Variants in TRPS1 observed in about 807,000 individuals in gnomAD.
TRPS1 encodes the protein zinc finger transcription factor Trps1.
TRPS1 carries 6 observed loss-of-function variants against 101.2 expected under a neutral mutation model. That is an observed-to-expected ratio of 0.06 (90% CI 0.03 to 0.12). TRPS1 has a LOEUF of 0.12. Ranked by LOEUF, TRPS1 falls within the 10% of genes least tolerant of loss-of-function variation. The probability of loss-of-function intolerance (pLI) is 1.00; values close to 1 mark genes in which losing one functional copy is unlikely to be tolerated. For missense variants in TRPS1, 1,363 were observed against 1,567.0 expected (o/e 0.87, Z 2.20); for synonymous variants, 578 against 589.8 (o/e 0.98, Z 0.29).
intron 5 of TRPS1, among the ~76,000 whole-genome samples, chr8:115,533,436 G>GTTTTTTTTTTTTTGTTTTTTTTTT (rs1816189208): frequency 5.1e-4 from 18 of 34,992 alleles, no homozygotes; most frequent in African/African-American, 1.9e-3. Flanking sequence ...CATGTAATCT[G>GTTTTTTTTTTTTTGTTTTTTTTTT]TTTTTTTTTT....
chr8:115,421,726 T>C (rs1214020557), intron 5 of TRPS1, among the ~76,000 whole-genome samples: 1 of 152,110 alleles, frequency 6.6e-6, no homozygotes, highest in African/African-American at 2.4e-5. Flanking sequence ...GCAGAGAAGG[T>C]GGGAGAAGTG....
At chr8:115,561,405 T>C (rs1197786387) in intron 5 of TRPS1, among the ~76,000 whole-genome samples, 1 of 152,054 alleles carries the variant, frequency 6.6e-6, no homozygotes, top group Non-Finnish European at 1.5e-5. Flanking sequence ...ACAAGCCACA[T>C]TCTTCAACAC....
chr8:115,493,438 C>T (rs1815076114), intron 5 of TRPS1, among the ~76,000 whole-genome samples: 1 of 152,250 alleles, frequency 6.6e-6, no homozygotes, highest in Non-Finnish European at 1.5e-5. Context: ...CGACTTCTGC[C>T]TCCCGGATTC....
At chr8:115,599,707 A>G (rs1817867243) in intron 4 of TRPS1, among the ~76,000 whole-genome samples, 1 of 152,176 alleles carries the variant, frequency 6.6e-6, no homozygotes, top group African/African-American at 2.4e-5. Flanking sequence ...TCCGTGGTGT[A>G]TATGTGCCAC....
intron 5 of TRPS1, among the ~76,000 whole-genome samples, chr8:115,564,180 G>A (rs776579477): frequency 7.9e-5 from 12 of 151,930 alleles, no homozygotes; most frequent in South Asian, 4.1e-4. Flanking sequence ...AAATAGCAGC[G>A]ATTAAATACA....
intron 5 of TRPS1, among the ~76,000 whole-genome samples, chr8:115,553,240 G>A (rs1444715393): frequency 1.3e-5 from 2 of 151,678 alleles, no homozygotes; most frequent in Non-Finnish European, 2.9e-5. Flanking sequence ...TTTTTACCAA[G>A]ATTATTGAGA....
At chr8:115,478,294 C>T (rs372049062) in intron 5 of TRPS1, among the ~76,000 whole-genome samples, 10 of 152,180 alleles carry the variant, frequency 6.6e-5, no homozygotes, top group East Asian at 5.8e-4. Context: ...ATCGGAGATA[C>T]GTATTTCTTC....
intron 5 of TRPS1, among the ~76,000 whole-genome samples, chr8:115,445,819 C>G (rs930447501): frequency 6.6e-6 from 1 of 152,028 alleles, no homozygotes; most frequent in African/African-American, 2.4e-5. Context: ...TGTACTGTCA[C>G]AGCAATGTAA....
intron 5 of TRPS1, among the ~76,000 whole-genome samples, chr8:115,570,689 T>TCACACACA (rs35198890): frequency 4.2e-5 from 4 of 95,754 alleles, no homozygotes; most frequent in African/African-American, 9.0e-5. Flanking sequence ...ACACACACAC[T>TCACACACA]CACACACACA....
At chr8:115,492,704 T>C (rs1815057712) in intron 5 of TRPS1, among the ~76,000 whole-genome samples, 1 of 152,034 alleles carries the variant, frequency 6.6e-6, no homozygotes, top group South Asian at 2.1e-4. Flanking sequence ...AGTAGGATAA[T>C]GAGACAAAGT....
intron 5 of TRPS1, among the ~76,000 whole-genome samples, chr8:115,584,654 G>C (rs1817524991): frequency 6.7e-6 from 1 of 150,116 alleles, no homozygotes; most frequent in Non-Finnish European, 1.5e-5. Flanking sequence ...ACCACTGGTA[G>C]GGTAATGAAT....
chr8:115,532,863 A>G (rs983340973), intron 5 of TRPS1, among the ~76,000 whole-genome samples: 1 of 152,150 alleles, frequency 6.6e-6, no homozygotes, highest in African/African-American at 2.4e-5. Flanking sequence ...ATAAGAAGGC[A>G]GAGAAGGGTT....
At chr8:115,581,121 C>T (rs191001057) in intron 5 of TRPS1, among the ~76,000 whole-genome samples, 1 of 151,154 alleles carries the variant, frequency 6.6e-6, no homozygotes, top group Admixed American at 6.6e-5. Flanking sequence ...AACAGGCGAA[C>T]GTTATTTTAA....
chr8:115,621,094 G>T (rs1818382719), intron 2 of TRPS1, among the ~76,000 whole-genome samples: 3 of 152,192 alleles, frequency 2.0e-5, no homozygotes, highest in Admixed American at 2.0e-4. Context: ...AAATTCTTCT[G>T]CTGGAGTAGA....
rs753685842 is a variant in TRPS1, at chr8:115,561,414, A to T, written c.2700+25587T>A. Among the ~76,000 whole-genome samples the T allele has an allele frequency of 5.3e-5, 8 of 151,750 alleles. No individual in the cohort carries two copies. The South Asian group carries it at 1.0e-3, about 20-fold the overall frequency. On this transcript the variant is annotated intron_variant, in intron 5 of 6. Coordinates refer to ENST00000395715, the MANE Select transcript of TRPS1 (RefSeq NM_014112.5). ...CACAGGACAAGCCACATTCTTCAACACTAGCTGAATCAGATGAAAGGTGAT... is the reference window on the plus strand; with the variant it reads ...CACAGGACAAGCCACATTCTTCAACTCTAGCTGAATCAGATGAAAGGTGAT...
At chr8:115,511,950 C>T (rs1815596485) in intron 5 of TRPS1, among the ~76,000 whole-genome samples, 3 of 151,674 alleles carry the variant, frequency 2.0e-5, no homozygotes, top group African/African-American at 7.3e-5. Flanking sequence ...ACCAATGTAA[C>T]ATATCTAACA....
chr8:115,501,083 T>A (rs538338138), intron 5 of TRPS1, among the ~76,000 whole-genome samples: 6 of 152,156 alleles, frequency 3.9e-5, no homozygotes, highest in Non-Finnish European at 7.3e-5. Flanking sequence ...CTCCCTTGTT[T>A]TCAGTGGTCC....
chr8:115,627,026 TACAAA>T (rs1049385269), intron 1 of TRPS1, among the ~76,000 whole-genome samples: 29 of 151,704 alleles, frequency 1.9e-4, no homozygotes, highest in African/African-American at 6.7e-4. Context: ...ATAAGAAAAT[TACAAA>T]ACTTTCTTTT....
chr8:115,533,227 T>C (rs1816177921), intron 5 of TRPS1, among the ~76,000 whole-genome samples: 1 of 152,004 alleles, frequency 6.6e-6, no homozygotes, highest in Non-Finnish European at 1.5e-5. Context: ...ATCCGCTAGG[T>C]TGTTCACCAC....
Sources: allele counts gnomAD v4.1 joint callset (sites outside exome capture counted in the v4.1 genomes callset), GRCh38; gene constraint gnomAD v4.1.1; transcripts MANE v1.5; gene names NCBI Gene and HGNC (gene_info 2026-07-23, HGNC 2026-07-21).